The following MLLT6 variants were observed in gnomAD, a reference collection of about 807,000 sequenced individuals.
The protein encoded by MLLT6 is protein AF-17.
MLLT6 carries 22 observed loss-of-function variants against 103.0 expected under a neutral mutation model. The observed-to-expected ratio is 0.21, with a 90% confidence interval of 0.15 to 0.31. The LOEUF (loss-of-function observed/expected upper bound fraction) is 0.31, where lower values mean the gene tolerates loss of function less well. Among genes scored for constraint, MLLT6 ranks in the 10% least tolerant of loss-of-function variants. The pLI, the probability that MLLT6 is intolerant of heterozygous loss-of-function variation, is 1.00. For missense variants in MLLT6, 1,199 were observed against 1,441.7 expected (o/e 0.83, Z 2.73); for synonymous variants, 606 against 623.5 (o/e 0.97, Z 0.42).
chr17:38,715,593 C>T lies in MLLT6; in HGVS notation c.820-19C>T. On this transcript the variant is annotated intron_variant, in intron 8 of 19. Transcript: ENST00000621332. ...GCCCAGGCACCTGGTGTTGAACCTT[C>T]CTCTCTCCTCTCCTTCAGGTCTCCT... is the stretch of plus-strand genomic sequence containing the variant. The T allele has an allele frequency of 6.3e-7, 1 of 1,598,906 alleles. No homozygotes were observed. Among genetic ancestry groups the T allele is most frequent in the Non-Finnish European group, 8.5e-7 (1 of 1,173,194 alleles).
chr17:38,708,083 G>A lies in MLLT6; in HGVS notation c.354+211G>A, dbSNP rs1342510242. ...TGAAATAGTAGGCTCCCCTGCAGTAGTTCTGCCAGAGGGTAGACCTTCGCA... is the reference window on the plus strand; with the variant it reads ...TGAAATAGTAGGCTCCCCTGCAGTAATTCTGCCAGAGGGTAGACCTTCGCA... On this transcript the variant is annotated intron_variant, in intron 4 of 19. Transcript: ENST00000621332. 1.7e-5 allele frequency: 10 copies of A among 579,036 alleles called. No homozygotes were observed. The Middle Eastern group carries it at 1.3e-3, about 77-fold the overall frequency. The allele number at this position is 579,036 out of a possible 1,614,324, so 35.9% of individuals were successfully genotyped here.
At position 38,707,510 on chromosome 17, in the gene MLLT6, G is replaced by A. The variant is rs376583626; in HGVS notation, c.214G>A (p.Asp72Asn). ...RVRCELCPHK[D>N]GALKRTDNGG... ...GAGGTGTGAGCTGTGCCCACACAAA[G>A]ACGGGGCATTGAAGAGGACTGATAA... The change falls in exon 3 of 20, where the codon GAC (aspartate) becomes AAC (asparagine). Residue 72 changes from aspartate to asparagine, a missense_variant. Asp to Asn is a conservative substitution (Grantham distance 23). Around this residue, in one of 7 missense-constraint regions of MLLT6, gnomAD observed 26 missense variants for 44.5 expected, o/e 0.58. Transcript: ENST00000621332. The A allele has an allele frequency of 6.2e-6, 10 of 1,614,106 alleles. No individual in the cohort carries two copies. Among genetic ancestry groups the A allele is most frequent in the Non-Finnish European group, 8.5e-6 (10 of 1,180,050 alleles).
chr17:38,724,990 C>A lies in MLLT6; in HGVS notation c.3240+14C>A. On this transcript the variant is annotated intron_variant, in intron 19 of 19. Coordinates refer to ENST00000621332, the MANE Select transcript of MLLT6 (RefSeq NM_005937.4). The surrounding 1 kb of genome is among the most constrained non-coding windows in gnomAD (Gnocchi z 5.4). ...CCCAAAGGAGGGGTGAGTAAGGGGC[C>A]CGGGGCCTTCCTGCCTCCCCTCTGA... 1 of 1,477,536 alleles carries A rather than the reference C, an allele frequency of 6.8e-7. No individual in the cohort carries two copies. The highest frequency in any genetic ancestry group is 1.3e-5 in the South Asian group (1 of 77,808). 91.5% of individuals were successfully genotyped at this position (1,477,536 alleles called of 1,614,324 possible).
intron 1 of MLLT6, 133 bp downstream of exon 1, chr17:38,705,874 T>C: frequency 6.8e-6 from 2 of 296,244 alleles, no homozygotes; most frequent in Non-Finnish European, 1.2e-5. Flanking sequence ...AAGGGAGGCG[T>C]AGGGGGAGCT....
At chr17:38,708,215 G>C in intron 4 of MLLT6, 1 of 303,852 alleles carries the variant, frequency 3.3e-6, no homozygotes, top group Non-Finnish European at 6.1e-6. Flanking sequence ...ATCAAGACAG[G>C]TGTGCTGCCC....
intron 18 of MLLT6, among the ~76,000 whole-genome samples, 189 bp downstream of exon 18, chr17:38,722,957 C>T (rs1905842673): frequency 6.6e-6 from 1 of 152,056 alleles, no homozygotes; most frequent in Non-Finnish European, 1.5e-5. Context: ...AGATCATGCC[C>T]AGGATCCCCT....
intron 1 of MLLT6, among the ~76,000 whole-genome samples, 161 bp downstream of exon 1, chr17:38,705,902 G>T (rs911683136): frequency 1.3e-5 from 2 of 151,642 alleles, no homozygotes; most frequent in African/African-American, 4.8e-5. Context: ...CCCGGTCCTG[G>T]AAGACCGGGT....
At position 38,707,750 on chromosome 17, in the gene MLLT6, C is replaced by T. The variant is rs184672269; in HGVS notation, c.245-13C>T. On this transcript the variant is annotated splice_polypyrimidine_tract_variant and intron_variant, in intron 3 of 19. Coordinates refer to ENST00000621332, the MANE Select transcript of MLLT6 (RefSeq NM_005937.4). ...TGCCATCTGCAGCTGAGGCTACCCC[C>T]ACACTGCCCCAGGCTGGGCACACGT... 3.6e-5 allele frequency: 56 copies of T among 1,560,156 alleles called. No individual in the cohort carries two copies. In the African/African-American group the frequency reaches 7.0e-4, roughly 20 times the overall value.
chr17:38,709,842 C>T lies in MLLT6; in HGVS notation c.552+267C>T, dbSNP rs570355513. Among the ~76,000 whole-genome samples, 1 of 152,326 alleles carries T rather than the reference C, an allele frequency of 6.6e-6. No individual in the cohort carries two copies. The highest frequency in any genetic ancestry group is 2.4e-5 in the African/African-American group (1 of 41,580). ...CTAGGAGGCTTCAAGGAAGAGGTAGCATTTAAGCTGAGTGGAGGTGGAAAT... is the reference window on the plus strand; with the variant it reads ...CTAGGAGGCTTCAAGGAAGAGGTAGTATTTAAGCTGAGTGGAGGTGGAAAT... On this transcript the variant is annotated intron_variant, in intron 6 of 19. Coordinates refer to ENST00000621332, the MANE Select transcript of MLLT6 (RefSeq NM_005937.4). The surrounding 1 kb of genome is among the most constrained non-coding windows in gnomAD (Gnocchi z 4.3).
rs1208250953 is a variant in MLLT6, at chr17:38,717,577, C to G, written c.1797C>G (p.Thr599=). The change falls in exon 11 of 20, where the codon ACC becomes ACG. Residue 599 remains threonine, a synonymous_variant. Coordinates refer to ENST00000621332, the MANE Select transcript of MLLT6 (RefSeq NM_005937.4). ...TCAGCCGCTCCCCGTTCACCAGCAC[C>G]CTCCCCTCCTCTTCTGCTTCTATCT... ...PRLSRSPFTS[T]LPSSSASIST... 3 of 1,613,788 alleles carry G rather than the reference C, an allele frequency of 1.9e-6. No individual in the cohort carries two copies. The highest frequency in any genetic ancestry group is 2.5e-6 in the Non-Finnish European group (3 of 1,179,912).
intron 6 of MLLT6, among the ~76,000 whole-genome samples, 153 bp from the exon 7 acceptor site, chr17:38,711,694 C>T (rs548618757): frequency 1.3e-5 from 2 of 152,294 alleles, no homozygotes; most frequent in Admixed American, 1.3e-4. Flanking sequence ...CACCCTTCTG[C>T]TGAGCAGAGC....
chr17:38,722,090 G>A lies in MLLT6; in HGVS notation c.2655G>A (p.Leu885=). The change falls in exon 17 of 20, where the codon TTG becomes TTA. Residue 885 remains leucine (L), a synonymous_variant. Coordinates refer to ENST00000621332, the MANE Select transcript of MLLT6 (RefSeq NM_005937.4). ...CCATGCCCATGGCTGAGGGGCTGTT[G>A]GGGGGGCTGGCAGGCAGTGGGGGCC... ...LGAMPMAEGL[L]GGLAGSGGLP... is the part of the protein sequence containing the mutation. 1 of 1,372,294 alleles carries A rather than the reference G, an allele frequency of 7.3e-7. No individual in the cohort carries two copies. Among genetic ancestry groups the A allele is most frequent in the East Asian group, 3.0e-5 (1 of 33,272 alleles). The allele number at this position is 1,372,294 out of a possible 1,614,324, so 85.0% of individuals were successfully genotyped here.
chr17:38,720,598 G>C lies in MLLT6; in HGVS notation c.2353+29G>C, dbSNP rs140110648. 2.1e-3 allele frequency: 3,429 copies of C among 1,612,810 alleles called. 83 individuals carry two copies. The African/African-American group carries it at 0.04, about 19-fold the overall frequency. ...AGGGGATCCTGCCCAGCCCGGGAGA[G>C]AGGCCCGTGCCCTGAAGTCCGGACT... On this transcript the variant is annotated intron_variant, in intron 15 of 19. Transcript: ENST00000621332.
rs532584862 is a variant in MLLT6, at chr17:38,728,228, G to A, written c.*2630G>A. On this transcript the variant is annotated 3_prime_UTR_variant, in exon 20 of 20. Transcript: ENST00000621332. ...GAGGTAGTGGCATTTCCTTCTCAGG[G>A]AGCTTCAATGGGAAAGGTCTCGAAA... 5 of 233,366 alleles carry A rather than the reference G, an allele frequency of 2.1e-5. No individual in the cohort carries two copies. Among genetic ancestry groups the A allele is most frequent in the African/African-American group, 8.8e-5 (4 of 45,462 alleles). 14.5% of individuals were successfully genotyped at this position (233,366 alleles called of 1,614,324 possible). A position where few individuals can be genotyped will look rare whatever the true frequency, so the allele number is the denominator to read the frequency against.
intron 2 of MLLT6, 149 bp downstream of exon 2, chr17:38,707,178 C>G: frequency 1.5e-6 from 1 of 661,498 alleles, no homozygotes; most frequent in Non-Finnish European, 2.5e-6. Context: ...TACCTCCAAC[C>G]TCATCTCTGC....
chr17:38,715,298 A>G lies in MLLT6; in HGVS notation c.820-314A>G, dbSNP rs1905287058. On this transcript the variant is annotated intron_variant, in intron 8 of 19. Coordinates refer to ENST00000621332, the MANE Select transcript of MLLT6 (RefSeq NM_005937.4). Reference sequence around the variant, plus strand: ...TATTCAGTGAATGAATGGACCAATGAGTAAATCTCTTCAGACTCTGGGACT... The same window carrying G: ...TATTCAGTGAATGAATGGACCAATGGGTAAATCTCTTCAGACTCTGGGACT... 2.8e-5 allele frequency: 9 copies of G among 318,326 alleles called. No homozygotes were observed. In the South Asian group the frequency reaches 7.7e-4, roughly 27 times the overall value. The allele number at this position is 318,326 out of a possible 1,614,324, so 19.7% of individuals were successfully genotyped here.
intron 12 of MLLT6, chr17:38,719,187 G>A (rs908166484): frequency 5.2e-6 from 2 of 385,894 alleles, no homozygotes; most frequent in Non-Finnish European, 9.3e-6. Context: ...GTTGATGTCA[G>A]GTTTAAGTTC....
chr17:38,706,805 T>C (rs2143661459), intron 1 of MLLT6, 145 bp from the exon 2 acceptor site: 1 of 597,796 alleles, frequency 1.7e-6, no homozygotes. Flanking sequence ...AGTCCTGCTG[T>C]AGAGTGAGTG....
At position 38,711,872 on chromosome 17, in the gene MLLT6, G is replaced by T; in HGVS notation, c.578G>T (p.Gly193Val). 6.3e-7 allele frequency: 1 copy of T among 1,588,386 alleles called. No homozygotes were observed. Among genetic ancestry groups the T allele is most frequent in the Admixed American group, 1.8e-5 (1 of 55,936 alleles). ...AAGACATCCCGGCACAGCAGCGGGGGAGGCGGAGGAGGCGCTGGAGGAGGA... is the reference window on the plus strand; with the variant it reads ...AAGACATCCCGGCACAGCAGCGGGGTAGGCGGAGGAGGCGCTGGAGGAGGA... ...KMKTSRHSSG[G>V]GGGGAGGGGG... The change falls in exon 7 of 20, where the codon GGA (glycine) becomes GTA (valine). Residue 193 changes from glycine to valine, a missense_variant. Physicochemically the swap from Gly to Val is moderately radical, Grantham distance 109. This residue lies in a region of MLLT6 where 1,034 missense variants were observed against 1,091.5 expected (regional missense o/e 0.95). Coordinates refer to ENST00000621332, the MANE Select transcript of MLLT6 (RefSeq NM_005937.4).
Sources: gnomAD v4.1 joint callset for allele counts (sites outside exome capture counted in the v4.1 genomes callset) on GRCh38, gnomAD v4.1.1 for gene constraint, gnomAD v4.1.1 regional missense constraint, Gnocchi (gnomAD v3.1) non-coding constraint, MANE v1.5 for transcripts, NCBI Gene and HGNC (gene_info 2026-07-23, HGNC 2026-07-21) for gene names.